RUFY4: variants seen among roughly 807,000 people sequenced by gnomAD.
RUFY4 encodes the protein RUN and FYVE domain-containing protein 4.
Under a neutral mutation model 69.0 loss-of-function variants are expected in RUFY4, and 73 were observed. The ratio of observed to expected loss-of-function variants is 1.06; its 90% confidence interval spans 0.88 to 1.29. The LOEUF is 1.29. RUFY4 is among the 50% of genes most tolerant of loss of function. The pLI, the probability that RUFY4 is intolerant of heterozygous loss-of-function variation, is 0.00. For synonymous variants in RUFY4, 287 were observed against 271.8 expected (o/e 1.06, Z -0.55); for missense variants, 770 against 705.6 (o/e 1.09, Z -1.03).
chr2:218,052,026 T>C (rs556099925), intron 2 of RUFY4, among the ~76,000 whole-genome samples: 1 of 152,352 alleles, frequency 6.6e-6, no homozygotes, highest in Non-Finnish European at 1.5e-5. Context: ...GTTTTCCTCT[T>C]AAAGCTTTTC....
chr2:218,061,218 G>C, intron 3 of RUFY4: 2 of 381,476 alleles, frequency 5.2e-6, no homozygotes, highest in Admixed American at 7.3e-5. Flanking sequence ...CATCGGCAGG[G>C]AGTTTCACAT....
At chr2:218,066,034 G>T (rs1472205815), upstream of RUFY4, among the ~76,000 whole-genome samples, 1 of 152,146 alleles carries the variant, frequency 6.6e-6, no homozygotes, top group African/African-American at 2.4e-5. Context: ...GAACAGGGAG[G>T]CATCAGGGCC....
chr2:218,075,423 G>T (rs1311085902), exon 7 of RUFY4: 1 of 1,612,648 alleles, frequency 6.2e-7, no homozygotes, highest in Non-Finnish European at 8.5e-7. Flanking sequence ...GGAGGTGATA[G>T]GGATGGAGGC....
At chr2:218,076,046 C>T (rs1281440563) in intron 7 of RUFY4, among the ~76,000 whole-genome samples, 1 of 152,186 alleles carries the variant, frequency 6.6e-6, no homozygotes, top group African/African-American at 2.4e-5. Context: ...TTCCTCTCTC[C>T]AGTTCCATAT....
chr2:218,066,537 G>A (rs190937743), upstream of RUFY4, among the ~76,000 whole-genome samples: 4 of 152,276 alleles, frequency 2.6e-5, no homozygotes, highest in East Asian at 5.8e-4. Context: ...GTGATTGCAG[G>A]CCAGGAATCT....
Position 218,075,247 on chromosome 2 carries a change from AG to A in RUFY4, c.760del (p.Glu254LysfsTer22), listed in dbSNP as rs757456529. The A allele has an allele frequency of 1.1e-5, 18 of 1,574,276 alleles. No individual in the cohort carries two copies. Among genetic ancestry groups the A allele is most frequent in the South Asian group, 8.2e-5 (7 of 85,828 alleles). Reference sequence around the variant, plus strand: ...CATCTTCCTTTCTTTTTGGAAAAGAAGGGGGAAAGTTCCAGGAAACATAGGT... The same window carrying A: ...CATCTTCCTTTCTTTTTGGAAAAGAAGGGGAAAGTTCCAGGAAACATAGGT... On this transcript the variant is annotated frameshift_variant, in exon 7 of 11. Transcript: ENST00000344321. LOFTEE classifies it high-confidence loss of function.
At chr2:218,046,113 T>G (rs1688822805) in intron 2 of RUFY4, among the ~76,000 whole-genome samples, 1 of 152,000 alleles carries the variant, frequency 6.6e-6, no homozygotes, top group South Asian at 2.1e-4. Context: ...CCCATAGTGA[T>G]GTTTTGATGT....
chr2:218,062,266 C>T (rs1439168174), intron 3 of RUFY4, among the ~76,000 whole-genome samples: 2 of 152,052 alleles, frequency 1.3e-5, no homozygotes, highest in African/African-American at 4.8e-5. Context: ...ATTAGCCGGG[C>T]ATGGTGGCGG....
chr2:218,069,948 C>T (rs1430794033), upstream of RUFY4, among the ~76,000 whole-genome samples: 2 of 152,162 alleles, frequency 1.3e-5, no homozygotes, highest in Non-Finnish European at 2.9e-5. Context: ...CTGCTCCCCA[C>T]ACACACGCAG....
intron 9 of RUFY4, among the ~76,000 whole-genome samples, chr2:218,088,822 TC>T (rs1689956046): frequency 1.3e-5 from 2 of 152,214 alleles, no homozygotes; most frequent in South Asian, 4.2e-4. Flanking sequence ...CTGTGTCTTC[TC>T]CTCTGTCTCC....
intron 2 of RUFY4, among the ~76,000 whole-genome samples, chr2:218,042,854 C>T (rs1688733873): frequency 6.6e-6 from 1 of 152,122 alleles, no homozygotes; most frequent in South Asian, 2.1e-4. Context: ...GAGTGTGTTA[C>T]AGTTTTCTAC....
At chr2:218,070,485 A>C (rs1253823717), upstream of RUFY4, 1 of 856,790 alleles carries the variant, frequency 1.2e-6, no homozygotes, top group East Asian at 2.7e-5. Flanking sequence ...AAGATTAGTC[A>C]CTTTCCCTCT....
Position 218,088,964 on chromosome 2 carries a change from C to CA in RUFY4, c.1503-287dup, listed in dbSNP as rs1689960899. Among the ~76,000 whole-genome samples, 11 of 148,972 alleles carry CA rather than the reference C, an allele frequency of 7.4e-5. No individual in the cohort carries two copies. The South Asian group carries it at 2.4e-3, about 33-fold the overall frequency. ...CTCTCTCCCTCTTTCCCCTTCTCTCCACCCCTCTCTCTCTCTCTGAGTAAC... is the reference window on the plus strand; with the variant it reads ...CTCTCTCCCTCTTTCCCCTTCTCTCCAACCCCTCTCTCTCTCTCTGAGTAAC... On this transcript the variant is annotated intron_variant, in intron 9 of 10. Transcript: ENST00000344321.
rs187015741 is a variant in RUFY4 at position 218,053,635 on chromosome 2, G to C, written c.-1157-4960G>C. Among the ~76,000 whole-genome samples, 966 of 152,164 alleles carry C rather than the reference G, an allele frequency of 6.3e-3. 13 individuals are homozygous for C. Among genetic ancestry groups the C allele is most frequent in the African/African-American group, 0.022 (919 of 41,502 alleles). ...TCCCATTCTCCTGCCTCAGCCTCCC[G>C]GGTAACTGGGACTACAGGCGTCTGC... On this transcript the variant is annotated intron_variant and NMD_transcript_variant, in intron 2 of 13. Transcript: ENST00000457754.
rs540893297 is a variant in RUFY4 at position 218,060,627 on chromosome 2, C to A, written c.-1071+1946C>A. 9 of 1,355,266 alleles carry A rather than the reference C, an allele frequency of 6.6e-6. No homozygotes were observed. The African/African-American group carries it at 7.2e-5, about 11-fold the overall frequency. 84.0% of individuals were successfully genotyped at this position (1,355,266 alleles called of 1,614,324 possible). A position where few individuals can be genotyped will look rare whatever the true frequency, so the allele number is the denominator to read the frequency against. ...CTGCCAGCAGGACCAGGTTGTAGGGCAGCCAGCAGAGCAGGAAAATGAGGA... is the reference window on the plus strand; with the variant it reads ...CTGCCAGCAGGACCAGGTTGTAGGGAAGCCAGCAGAGCAGGAAAATGAGGA... On this transcript the variant is annotated intron_variant and NMD_transcript_variant, in intron 3 of 13. Coordinates refer to the RUFY4 transcript ENST00000457754.
In RUFY4 at chr2:218,073,238, C is replaced by G. The variant is rs1689537901; in HGVS notation, c.387-5C>G. 1.3e-6 allele frequency: 2 copies of G among 1,550,648 alleles called. No individual in the cohort carries two copies. Among genetic ancestry groups the G allele is most frequent in the African/African-American group, 2.7e-5 (2 of 73,138 alleles). On this transcript the variant is annotated splice_polypyrimidine_tract_variant and splice_region_variant and intron_variant, in intron 4 of 10. Transcript: ENST00000344321. ...GGCCAAGGGTTCTGATCACTGTTAACACAGGGAATGGTATGGACCCCGGAG... is the reference window on the plus strand; with the variant it reads ...GGCCAAGGGTTCTGATCACTGTTAAGACAGGGAATGGTATGGACCCCGGAG...
chr2:218,085,717 G>A (rs1464648015), intron 9 of RUFY4, among the ~76,000 whole-genome samples: 1 of 152,110 alleles, frequency 6.6e-6, no homozygotes, highest in African/African-American at 2.4e-5. Flanking sequence ...CAGCACTCAG[G>A]GGCCTATCTC....
intron 2 of RUFY4, among the ~76,000 whole-genome samples, chr2:218,041,333 G>A (rs1296293885): frequency 6.6e-6 from 1 of 152,150 alleles, no homozygotes; most frequent in East Asian, 1.9e-4. Context: ...GTCTAACTAG[G>A]ATTTGGATTT....
rs149112991 is a variant in RUFY4, at chr2:218,042,358, A to G, written c.-1158+6964A>G. Among the ~76,000 whole-genome samples the G allele has an allele frequency of 1.4e-3, 217 of 152,366 alleles. 1 individual carries two copies. The highest frequency in any genetic ancestry group is 5.0e-3 in the African/African-American group (208 of 41,588). ...TGTTAACATAGAAACACCATTTCTTACCAATATGAGCCTAAGTTTTTCTTG... is the reference window on the plus strand; with the variant it reads ...TGTTAACATAGAAACACCATTTCTTGCCAATATGAGCCTAAGTTTTTCTTG... On this transcript the variant is annotated intron_variant and NMD_transcript_variant, in intron 2 of 13. Transcript: ENST00000457754.
Sources: allele counts gnomAD v4.1 joint callset (sites outside exome capture counted in the v4.1 genomes callset), GRCh38; gene constraint gnomAD v4.1.1; transcripts MANE v1.5; gene names NCBI Gene and HGNC (gene_info 2026-07-23, HGNC 2026-07-21).